DGLUCY: variants seen among roughly 807,000 people sequenced by gnomAD.
DGLUCY encodes the protein D-glutamate cyclase, mitochondrial.
Under a neutral mutation model 58.5 loss-of-function variants are expected in DGLUCY, and 58 were observed. The ratio of observed to expected loss-of-function variants is 0.99; its 90% confidence interval spans 0.80 to 1.23. The LOEUF is 1.23. Among genes scored for constraint, DGLUCY ranks in the 50% most tolerant of loss-of-function variants. The pLI, the probability that DGLUCY is intolerant of heterozygous loss-of-function variation, is 0.00. For synonymous variants in DGLUCY, 325 were observed against 314.1 expected (o/e 1.03, Z -0.37); for missense variants, 779 against 784.7 (o/e 0.99, Z 0.09).
intron 1 of DGLUCY, among the ~76,000 whole-genome samples, chr14:91,127,449 C>T (rs767219115): frequency 1.1e-4 from 17 of 152,246 alleles, no homozygotes; most frequent in Non-Finnish European, 2.5e-4. Flanking sequence ...CCTCGCTGCA[C>T]CTGCCCCCTC....
At chr14:91,212,094 C>T (rs1166797849) in intron 12 of DGLUCY, among the ~76,000 whole-genome samples, 1 of 152,236 alleles carries the variant, frequency 6.6e-6, no homozygotes, top group African/African-American at 2.4e-5. Context: ...TGAGCCACCA[C>T]ATCTGGCTGA....
chr14:91,170,200 A>C lies in DGLUCY; in HGVS notation c.455A>C (p.Lys152Thr), dbSNP rs779330597. The change falls in exon 5 of 14, where the codon AAG (lysine) becomes ACG (threonine). Residue 152 changes from lysine (K) to threonine (T), a missense_variant and splice_region_variant. Transcript: ENST00000256324. ...GGTCACAGCCAGGCGGGTGCATACA[A>C]GGTAGGGACACAGCCCACAGCCCAC... ...PAGHSQAGAY[K>T]TTVPCVTHAG... The C allele has an allele frequency of 1.2e-6, 2 of 1,613,108 alleles. No individual in the cohort carries two copies. The highest frequency in any genetic ancestry group is 1.7e-6 in the Non-Finnish European group (2 of 1,179,648).
chr14:91,225,167 A>G lies in DGLUCY; in HGVS notation c.*334A>G. ...ACAGTTACTTATGGGGACACTTGTG[A>G]ACAATTAACTGCCAGGCAGAGCATG... is the stretch of plus-strand genomic sequence containing the variant. On this transcript the variant is annotated 3_prime_UTR_variant, in exon 14 of 14. Transcript: ENST00000256324. The G allele has an allele frequency of 5.4e-6, 1 of 185,290 alleles. No homozygotes were observed. The highest frequency in any genetic ancestry group is 1.4e-4 in the East Asian group (1 of 7,272). 11.5% of individuals were successfully genotyped at this position (185,290 alleles called of 1,614,324 possible).
At chr14:91,064,622 C>CAAAA (rs35830145) in intron 1 of DGLUCY, among the ~76,000 whole-genome samples, 12 of 57,516 alleles carry the variant, frequency 2.1e-4, no homozygotes, top group Non-Finnish European at 2.8e-4. Flanking sequence ...GACTCTGTCT[C>CAAAA]AAAAAAAAAA....
At chr14:91,223,799 C>G in intron 13 of DGLUCY, 1 of 969,618 alleles carries the variant, frequency 1.0e-6, no homozygotes. Context: ...TTTGCTTGTA[C>G]GTAATCCTCA....
chr14:91,173,174 A>G (rs554277328), intron 5 of DGLUCY, 115 bp from the exon 6 acceptor site: 9 of 1,113,244 alleles, frequency 8.1e-6, no homozygotes, highest in East Asian at 2.4e-5. Context: ...GCTAATTTCT[A>G]TAACAGCTAC....
chr14:91,170,490 G>C (rs1237070445), intron 5 of DGLUCY, among the ~76,000 whole-genome samples: 1 of 152,132 alleles, frequency 6.6e-6, no homozygotes, highest in Non-Finnish European at 1.5e-5. Context: ...TTTAACTTCA[G>C]GCACCTCAGC....
chr14:91,127,040 C>T lies in DGLUCY; in HGVS notation c.-82+12757C>T, dbSNP rs1294397094. ...CCGATGTACATTCTTCTCAGTCAGGCCTTGATGATACTCTTTTTTTTTTTT... is the reference window on the plus strand; with the variant it reads ...CCGATGTACATTCTTCTCAGTCAGGTCTTGATGATACTCTTTTTTTTTTTT... On this transcript the variant is annotated intron_variant, in intron 1 of 13. Transcript: ENST00000256324. Among the ~76,000 whole-genome samples, 4 of 147,744 alleles carry T rather than the reference C, an allele frequency of 2.7e-5. No homozygotes were observed. The East Asian group carries it at 8.0e-4, about 30-fold the overall frequency.
chr14:91,149,139 C>A (rs10146668), intron 1 of DGLUCY, among the ~76,000 whole-genome samples: 4 of 149,922 alleles, frequency 2.7e-5, no homozygotes, highest in African/African-American at 9.8e-5. Flanking sequence ...CCCAGCTACT[C>A]GGGAGGCTGA....
At chr14:91,182,045 A>T (rs1245449124) in intron 8 of DGLUCY, among the ~76,000 whole-genome samples, 8 of 150,010 alleles carry the variant, frequency 5.3e-5, no homozygotes, top group Admixed American at 5.3e-4. Context: ...TGGTGGTGCA[A>T]TCTCAATTCA....
At chr14:91,151,625 A>G (rs1273075326) in intron 1 of DGLUCY, among the ~76,000 whole-genome samples, 4 of 147,284 alleles carry the variant, frequency 2.7e-5, no homozygotes, top group Non-Finnish European at 6.0e-5. Context: ...TTTATATCTC[A>G]TTATTCATCT....
intron 3 of DGLUCY, among the ~76,000 whole-genome samples, chr14:91,166,860 G>A (rs1162829193): frequency 6.6e-6 from 1 of 152,160 alleles, no homozygotes; most frequent in African/African-American, 2.4e-5. Context: ...AGCACTTTGG[G>A]AGGCCGAGGC....
intron 1 of DGLUCY, among the ~76,000 whole-genome samples, chr14:91,087,925 C>T (rs77459293): frequency 0.032 from 4,890 of 152,244 alleles, 283 homozygotes; most frequent in African/African-American, 0.11. Flanking sequence ...TTTTCTAACA[C>T]GGGAAAGACA....
Position 91,225,147 on chromosome 14 carries a change from T to G in DGLUCY, c.*314T>G. ...CTCCTGTGAGAATCTTCTCGACAGT[T>G]ACTTATGGGGACACTTGTGAACAAT... On this transcript the variant is annotated 3_prime_UTR_variant, in exon 14 of 14. Coordinates refer to ENST00000256324, the MANE Select transcript of DGLUCY (RefSeq NM_001102368.3). The G allele has an allele frequency of 4.8e-6, 1 of 208,578 alleles. No homozygotes were observed. The highest frequency in any genetic ancestry group is 9.6e-6 in the Non-Finnish European group (1 of 104,678). The allele number at this position is 208,578 out of a possible 1,614,324, so 12.9% of individuals were successfully genotyped here. A position where few individuals can be genotyped will look rare whatever the true frequency, so the allele number is the denominator to read the frequency against.
At chr14:91,214,019 AT>A (rs200688850) in intron 12 of DGLUCY, among the ~76,000 whole-genome samples, 2 of 110,018 alleles carry the variant, frequency 1.8e-5, no homozygotes, top group Admixed American at 1.1e-4. Flanking sequence ...TTTGTTTGTT[AT>A]TTTTTTTGTT....
intron 2 of DGLUCY, 140 bp from the exon 3 acceptor site, chr14:91,160,126 A>G: frequency 1.5e-6 from 1 of 654,630 alleles, no homozygotes; most frequent in East Asian, 2.8e-5. Flanking sequence ...ATTCCAAACA[A>G]TGCCCACCAC....
intron 1 of DGLUCY, among the ~76,000 whole-genome samples, chr14:91,071,323 C>T (rs1434136888): frequency 2.5e-5 from 3 of 120,758 alleles, no homozygotes; most frequent in Non-Finnish European, 4.9e-5. Flanking sequence ...GGCAACAGAG[C>T]GAGATTCCAC....
At chr14:91,134,604 A>G (rs2046219909) in intron 1 of DGLUCY, among the ~76,000 whole-genome samples, 2 of 151,866 alleles carry the variant, frequency 1.3e-5, no homozygotes, top group South Asian at 4.2e-4. Flanking sequence ...CGTTCGGCTA[A>G]TTTTTGTATT....
Position 91,177,541 on chromosome 14 carries a change from C to T in DGLUCY, c.730+1485C>T, listed in dbSNP as rs1261899464. ...GGTGATATTACAATGAAGAGACACA[C>T]GAGGGCGCCCTCGCTAGCTCTCAGT... is the stretch of plus-strand genomic sequence containing the variant. On this transcript the variant is annotated intron_variant, in intron 7 of 13. Coordinates refer to ENST00000256324, the MANE Select transcript of DGLUCY (RefSeq NM_001102368.3). Among the ~76,000 whole-genome samples, 4 of 152,296 alleles carry T rather than the reference C, an allele frequency of 2.6e-5. 1 individual carries two copies. Among genetic ancestry groups the T allele is most frequent in the South Asian group, 4.1e-4 (2 of 4,824 alleles).
Sources: allele counts gnomAD v4.1 joint callset (sites outside exome capture counted in the v4.1 genomes callset), GRCh38; gene constraint gnomAD v4.1.1; transcripts MANE v1.5; gene names NCBI Gene and HGNC (gene_info 2026-07-23, HGNC 2026-07-21).